Variants in MINAR1 observed in about 807,000 individuals in gnomAD.
MINAR1 encodes membrane integral NOTCH2 associated receptor 1.
Under a neutral mutation model 65.1 loss-of-function variants are expected in MINAR1, and 40 were observed. The observed-to-expected ratio is 0.61, with a 90% CI of 0.48 to 0.80. The LOEUF (loss-of-function observed/expected upper bound fraction) is 0.80, where lower values mean the gene tolerates loss of function less well. Ranked by LOEUF, MINAR1 falls within the 30% of genes least tolerant of loss-of-function variation. The pLI is 0.00. For synonymous variants in MINAR1, 482 were observed against 449.1 expected, an observed-to-expected ratio of 1.07 and a Z score of -0.93; for missense variants, 1,128 against 1,148.0, an observed-to-expected ratio of 0.98 and a Z score of 0.25.
chr15:79,457,028 C>T lies in MINAR1; in HGVS notation c.881C>T (p.Pro294Leu), dbSNP rs1484357580. The T allele has an allele frequency of 5.0e-6, 8 of 1,613,814 alleles. No individual in the cohort carries two copies. Among genetic ancestry groups the T allele is most frequent in the South Asian group, 1.1e-5 (1 of 91,052 alleles). Reference sequence around the variant, plus strand: ...AGGGAACCCCAGAGTCGAAAGGAACCCCACAAGCCACCCTTCTTCAACCAC... The same window carrying T: ...AGGGAACCCCAGAGTCGAAAGGAACTCCACAAGCCACCCTTCTTCAACCAC... ...EHREPQSRKEPHKPPFFNHSF... is the reference protein window; with the variant it reads ...EHREPQSRKELHKPPFFNHSF... Residue 294 changes from proline (P) to leucine (L), a missense_variant, in exon 2 of 4, where the codon CCC (proline) becomes CTC (leucine). Transcript: ENST00000305428.
At chr15:79,463,439 G>A (rs1002850524) in intron 3 of MINAR1, 118 bp downstream of exon 3, 3 of 1,185,102 alleles carry the variant, frequency 2.5e-6, no homozygotes, top group African/African-American at 1.5e-5. Flanking sequence ...CAACTCCCTG[G>A]GCCCCCAACA....
chr15:79,436,742 G>A (rs1375491937), intron 1 of MINAR1, among the ~76,000 whole-genome samples: 2 of 152,136 alleles, frequency 1.3e-5, no homozygotes, highest in African/African-American at 4.8e-5. Flanking sequence ...ATGATTTATC[G>A]AACACAACTG....
At position 79,471,390 on chromosome 15, in the gene MINAR1, A is replaced by G. The variant is rs1351504685; in HGVS notation, c.*3006A>G. 6.6e-6 allele frequency: 1 copy of G among 152,570 alleles called. No homozygotes were observed. The allele number at this position is 152,570 out of a possible 1,614,324, so 9.5% of individuals were successfully genotyped here. A position where few individuals can be genotyped will look rare whatever the true frequency, so the allele number is the denominator to read the frequency against. On this transcript the variant is annotated 3_prime_UTR_variant, in exon 4 of 4. Coordinates refer to ENST00000305428, the MANE Select transcript of MINAR1 (RefSeq NM_015206.3). ...ATAATCATTTCATCTTCTAATCTGA[A>G]TTTGTTTTGAACACAGCCTTGCAGA...
At chr15:79,458,590 A>T (rs2141297916) in intron 2 of MINAR1, 145 bp downstream of exon 2, 1 of 1,013,034 alleles carries the variant, frequency 9.9e-7, no homozygotes, top group East Asian at 2.6e-5. Context: ...GGGTTTTCAC[A>T]TTGGAATAGA....
At position 79,471,166 on chromosome 15, in the gene MINAR1, T is replaced by A. The variant is rs1896064845; in HGVS notation, c.*2782T>A. 6.6e-6 allele frequency: 1 copy of A among 152,330 alleles called. No individual in the cohort carries two copies. Among genetic ancestry groups the A allele is most frequent in the Non-Finnish European group, 1.5e-5 (1 of 68,024 alleles). The allele number at this position is 152,330 out of a possible 1,614,324, so 9.4% of individuals were successfully genotyped here. A position where few individuals can be genotyped will look rare whatever the true frequency, so the allele number is the denominator to read the frequency against. On this transcript the variant is annotated 3_prime_UTR_variant, in exon 4 of 4. Coordinates refer to ENST00000305428, the MANE Select transcript of MINAR1 (RefSeq NM_015206.3). ...GACATACGGACTGGCCTCTCTACTG[T>A]ACTGGGTGCCATCTCCCACCATACT...
chr15:79,447,855 C>T (rs1194251209), intron 1 of MINAR1, among the ~76,000 whole-genome samples: 2 of 152,178 alleles, frequency 1.3e-5, no homozygotes, highest in African/African-American at 4.8e-5. Context: ...TCCTTGTTTA[C>T]TGTGCACCAG....
At chr15:79,419,329 A>C in the MINAR1 span, 3 of 152,210 alleles carry the variant, frequency 2.0e-5, no homozygotes, top group Non-Finnish European at 4.4e-5. Flanking sequence ...CTCATGACTC[A>C]AGATAGTCTC....
In MINAR1 at chr15:79,468,503, C is replaced by T. The variant is rs1895957924; in HGVS notation, c.*119C>T. On this transcript the variant is annotated 3_prime_UTR_variant, in exon 4 of 4. Coordinates refer to ENST00000305428, the MANE Select transcript of MINAR1 (RefSeq NM_015206.3). ...TGGAGATGAAATCATGGAGGCATTTCTACAAATGTTGAATGAAGGTGGTTT... is the reference window on the plus strand; with the variant it reads ...TGGAGATGAAATCATGGAGGCATTTTTACAAATGTTGAATGAAGGTGGTTT... 4 of 912,058 alleles carry T rather than the reference C, an allele frequency of 4.4e-6. No individual in the cohort carries two copies. The highest frequency in any genetic ancestry group is 2.7e-5 in the Admixed American group (1 of 36,822). The allele number at this position is 912,058 out of a possible 1,614,324, so 56.5% of individuals were successfully genotyped here.
the MINAR1 span, chr15:79,412,549 C>T: frequency 6.6e-5 from 10 of 152,388 alleles, no homozygotes; most frequent in African/African-American, 2.2e-4. Context: ...GCCAGTCTCC[C>T]GCTCCCATGC....
intron 2 of MINAR1, among the ~76,000 whole-genome samples, chr15:79,459,252 T>C (rs1895553864): frequency 6.6e-6 from 1 of 152,226 alleles, no homozygotes; most frequent in African/African-American, 2.4e-5. Context: ...GTGTCTTTCC[T>C]TTCCTTTTTA....
intron 1 of MINAR1, among the ~76,000 whole-genome samples, chr15:79,436,146 T>C (rs929282450): frequency 6.6e-6 from 1 of 152,244 alleles, no homozygotes; most frequent in African/African-American, 2.4e-5. Context: ...TGACGCATAA[T>C]GGACATGTAG....
intron 1 of MINAR1, among the ~76,000 whole-genome samples, chr15:79,452,304 G>A (rs1472844768): frequency 6.6e-6 from 1 of 151,998 alleles, no homozygotes; most frequent in Non-Finnish European, 1.5e-5. Flanking sequence ...GGGAAGCTGT[G>A]CAAGTGTCTG....
Position 79,457,224 on chromosome 15 carries a change from C to T in MINAR1, c.1077C>T (p.Asn359=), listed in dbSNP as rs750939779. 2 of 1,614,058 alleles carry T rather than the reference C, an allele frequency of 1.2e-6. No homozygotes were observed. The highest frequency in any genetic ancestry group is 1.3e-5 in the African/African-American group (1 of 75,062). ...QEARRCLGKP[N]KQTPWPAKSW... ...CCAGGCGCTGTCTAGGGAAGCCCAACAAGCAGACTCCCTGGCCAGCCAAAA... is the reference window on the plus strand; with the variant it reads ...CCAGGCGCTGTCTAGGGAAGCCCAATAAGCAGACTCCCTGGCCAGCCAAAA... The change falls in exon 2 of 4, where the codon AAC becomes AAT. Residue 359 remains asparagine, a synonymous_variant. Coordinates refer to ENST00000305428, the MANE Select transcript of MINAR1 (RefSeq NM_015206.3).
chr15:79,440,276 G>A (rs113292995), intron 1 of MINAR1, among the ~76,000 whole-genome samples: 2,330 of 152,256 alleles, frequency 0.015, 59 homozygotes, highest in African/African-American at 0.053. Context: ...CTGGGGTTTG[G>A]CTTGAGTTTT....
upstream of MINAR1, among the ~76,000 whole-genome samples, chr15:79,427,763 G>A (rs1029691297): frequency 4.6e-5 from 7 of 152,164 alleles, no homozygotes; most frequent in African/African-American, 1.7e-4. Context: ...GCTTATATAA[G>A]ATACAGGACA....
At position 79,457,235 on chromosome 15, in the gene MINAR1, C is replaced by T; in HGVS notation, c.1088C>T (p.Pro363Leu). 6.2e-7 allele frequency: 1 copy of T among 1,614,130 alleles called. No individual in the cohort carries two copies. The highest frequency in any genetic ancestry group is 1.1e-5 in the South Asian group (1 of 91,070). Residue 363 changes from proline to leucine, a missense_variant, in exon 2 of 4, where the codon CCC becomes CTC. Pro to Leu is a moderately conservative substitution (Grantham distance 98). Transcript: ENST00000305428. ...RCLGKPNKQT[P>L]WPAKSWSLNT... ...CTAGGGAAGCCCAACAAGCAGACTCCCTGGCCAGCCAAAAGCTGGAGCCTA... is the reference window on the plus strand; with the variant it reads ...CTAGGGAAGCCCAACAAGCAGACTCTCTGGCCAGCCAAAAGCTGGAGCCTA...
Position 79,457,001 on chromosome 15 carries a change from A to C in MINAR1, c.854A>C (p.His285Pro). 6.2e-7 allele frequency: 1 copy of C among 1,614,144 alleles called. No homozygotes were observed. Among genetic ancestry groups the C allele is most frequent in the Non-Finnish European group, 8.5e-7 (1 of 1,180,020 alleles). The change falls in exon 2 of 4, where the codon CAC (histidine) becomes CCC (proline). Residue 285 changes from histidine to proline, a missense_variant. Physicochemically the swap from His to Pro is moderately conservative, Grantham distance 77. Coordinates refer to ENST00000305428, the MANE Select transcript of MINAR1 (RefSeq NM_015206.3). ...CCCATCAGCAAAGCAGAGAATGAGC[A>C]CAGGGAACCCCAGAGTCGAAAGGAA... is the stretch of plus-strand genomic sequence containing the variant. The part of the protein sequence containing the change: ...VGPISKAENE[H>P]REPQSRKEPH...
At chr15:79,441,582 G>A (rs1894870563) in intron 1 of MINAR1, among the ~76,000 whole-genome samples, 1 of 152,012 alleles carries the variant, frequency 6.6e-6, no homozygotes, top group African/African-American at 2.4e-5. Flanking sequence ...TAAATACTTA[G>A]AAGTGTGGAT....
Position 79,457,534 on chromosome 15 carries a change from A to G in MINAR1, c.1387A>G (p.Thr463Ala), listed in dbSNP as rs1414551240. Residue 463 changes from threonine (T) to alanine (A), a missense_variant, in exon 2 of 4, where the codon ACC becomes GCC. Coordinates refer to ENST00000305428, the MANE Select transcript of MINAR1 (RefSeq NM_015206.3). ...KKFKDKSINC[T>A]SGQLSSDTSS... ...GTTTAAAGACAAGAGCATTAACTGCACCAGTGGGCAGCTCAGCTCAGACAC... is the reference window on the plus strand; with the variant it reads ...GTTTAAAGACAAGAGCATTAACTGCGCCAGTGGGCAGCTCAGCTCAGACAC... 4.3e-6 allele frequency: 7 copies of G among 1,614,044 alleles called. No homozygotes were observed. The African/African-American group carries it at 8.0e-5, about 18-fold the overall frequency.
Sources: allele counts gnomAD v4.1 joint callset (sites outside exome capture counted in the v4.1 genomes callset), GRCh38; gene constraint gnomAD v4.1.1; transcripts MANE v1.5; gene names NCBI Gene and HGNC (gene_info 2026-07-23, HGNC 2026-07-21).